WDR1: variants seen among roughly 807,000 people sequenced by gnomAD.
WDR1 encodes the protein WD repeat domain 1.
Under a neutral mutation model 71.9 loss-of-function variants are expected in WDR1, and 21 were observed. That is an observed-to-expected ratio of 0.29 (90% confidence interval 0.21 to 0.42). The LOEUF (loss-of-function observed/expected upper bound fraction) is 0.42. Ranked by LOEUF, WDR1 falls within the 10% of genes least tolerant of loss-of-function variation. The pLI, the probability that WDR1 is intolerant of heterozygous loss-of-function variation, is 1.00. For missense variants in WDR1, 696 were observed against 824.5 expected (o/e 0.84, Z 1.91); for synonymous variants, 424 against 347.4 (o/e 1.22, Z -2.45).
intron 10 of WDR1, among the ~76,000 whole-genome samples, chr4:10,082,266 T>G (rs995252781): frequency 2.6e-5 from 4 of 152,298 alleles, no homozygotes; most frequent in Non-Finnish European, 5.9e-5. Context: ...TGCTAGGAGT[T>G]GCGTGCTGCA....
intron 7 of WDR1, 49 bp from the exon 8 acceptor site, chr4:10,087,989 AG>A: frequency 1.3e-6 from 2 of 1,490,944 alleles, no homozygotes; most frequent in Non-Finnish European, 1.8e-6. Flanking sequence ...TACAGACTGG[AG>A]AGAGACCCCA....
At chr4:10,088,776 C>G in intron 5 of WDR1, 35 bp from the exon 6 acceptor site, 1 of 1,510,758 alleles carries the variant, frequency 6.6e-7, no homozygotes, top group Non-Finnish European at 9.0e-7. Flanking sequence ...GATGAGGGGC[C>G]GCAGGCCTGA....
At position 10,116,099 on chromosome 4, in the gene WDR1, T is replaced by C; in HGVS notation, c.138+14A>G. 1 of 1,609,384 alleles carries C rather than the reference T, an allele frequency of 6.2e-7. No individual in the cohort carries two copies. The highest frequency in any genetic ancestry group is 8.5e-7 in the Non-Finnish European group (1 of 1,177,664). On this transcript the variant is annotated intron_variant, in intron 2 of 14. Transcript: ENST00000499869. ...CTCCGGAGCAGAACCGCGCCCGGGG[T>C]AGGGGGTACTCACGTCGATGTTCCT...
At chr4:10,113,285 C>T (rs973877324) in intron 2 of WDR1, among the ~76,000 whole-genome samples, 11 of 152,154 alleles carry the variant, frequency 7.2e-5, no homozygotes, top group African/African-American at 1.4e-4. Flanking sequence ...TGCCTGAACC[C>T]GGCAGGTGGA....
chr4:10,082,865 T>G (rs776814366), intron 10 of WDR1, among the ~76,000 whole-genome samples, 157 bp downstream of exon 10: 3 of 152,122 alleles, frequency 2.0e-5, no homozygotes, highest in Non-Finnish European at 2.9e-5. Flanking sequence ...AGTGCTGGGC[T>G]CAGGGCCCAA....
rs1331478601 is a variant in WDR1, at chr4:10,077,300, T to C, written c.1714+4A>G. ...CCCTGCCAAGGCCTGGGGGCGGAAG[T>C]CACCTTGGATCTTGACTCTGGTTTC... On this transcript the variant is annotated splice_donor_region_variant and intron_variant, in intron 14 of 14. Transcript: ENST00000499869. 6.2e-7 allele frequency: 1 copy of C among 1,613,706 alleles called. No individual in the cohort carries two copies. Among genetic ancestry groups the C allele is most frequent in the African/African-American group, 1.3e-5 (1 of 74,930 alleles).
intron 5 of WDR1, among the ~76,000 whole-genome samples, 175 bp downstream of exon 5, chr4:10,097,536 G>C (rs576701097): frequency 3.3e-5 from 5 of 152,234 alleles, no homozygotes; most frequent in Admixed American, 2.6e-4. Context: ...TGGGGAGGAC[G>C]AGTGCTGGGT....
chr4:10,077,475 G>T (rs1764841533), intron 13 of WDR1, 27 bp from the exon 14 acceptor site: 1 of 1,613,702 alleles, frequency 6.2e-7, no homozygotes, highest in African/African-American at 1.3e-5. Flanking sequence ...AACAAGAGAG[G>T]TGGCAGGTCA....
At chr4:10,093,252 GC>G in intron 5 of WDR1, 1 of 818,170 alleles carries the variant, frequency 1.2e-6, no homozygotes, top group Non-Finnish European at 1.7e-6. Flanking sequence ...AGGACCACAA[GC>G]CCACCCTTAG....
intron 14 of WDR1, 30 bp from the exon 15 acceptor site, chr4:10,075,514 A>T: frequency 1.9e-6 from 3 of 1,601,576 alleles, no homozygotes; most frequent in Non-Finnish European, 2.6e-6. Context: ...TTTAACGAAA[A>T]GCCAAACTTC....
intron 2 of WDR1, among the ~76,000 whole-genome samples, chr4:10,104,871 C>T (rs1712926098): frequency 6.6e-6 from 1 of 152,208 alleles, no homozygotes; most frequent in Admixed American, 6.5e-5. Context: ...GCTTAGGACA[C>T]ACCAGACTCC....
intron 5 of WDR1, chr4:10,092,694 G>A (rs774421326): frequency 1.3e-4 from 35 of 266,000 alleles, no homozygotes; most frequent in East Asian, 2.9e-4. Context: ...GAGAGAAGCC[G>A]CGAAAAGCCC....
chr4:10,111,646 C>T (rs770616524), intron 2 of WDR1, among the ~76,000 whole-genome samples: 2 of 152,162 alleles, frequency 1.3e-5, no homozygotes, highest in South Asian at 2.1e-4. Flanking sequence ...AGTCAGCAGG[C>T]GTCCAATTCC....
intron 2 of WDR1, among the ~76,000 whole-genome samples, chr4:10,107,368 G>C (rs572638578): frequency 6.6e-6 from 1 of 152,276 alleles, no homozygotes; most frequent in South Asian, 2.1e-4. Flanking sequence ...TTCCTGGGAA[G>C]AGCGATAACT....
intron 10 of WDR1, among the ~76,000 whole-genome samples, chr4:10,082,310 A>G (rs1470699861): frequency 6.6e-6 from 1 of 150,976 alleles, no homozygotes; most frequent in African/African-American, 2.4e-5. Context: ...AGGCCCCAGG[A>G]GTCCCCATCT....
At chr4:10,079,282 TG>T (rs1487570998) in intron 11 of WDR1, among the ~76,000 whole-genome samples, 2 of 152,230 alleles carry the variant, frequency 1.3e-5, no homozygotes, top group Non-Finnish European at 2.9e-5. Context: ...CACCACCTCT[TG>T]GAAAGTCACT....
chr4:10,085,389 C>T (rs769652923), intron 8 of WDR1, among the ~76,000 whole-genome samples: 9 of 152,182 alleles, frequency 5.9e-5, no homozygotes, highest in Non-Finnish European at 8.8e-5. Context: ...GAATGGGCAA[C>T]GAATGCAGCT....
At chr4:10,100,872 A>G (rs1578439502) in intron 3 of WDR1, among the ~76,000 whole-genome samples, 1 of 152,214 alleles carries the variant, frequency 6.6e-6, no homozygotes, top group Non-Finnish European at 1.5e-5. Context: ...GAGCATACAT[A>G]TCCACACATG....
chr4:10,110,784 T>A (rs1204911150), intron 2 of WDR1, among the ~76,000 whole-genome samples: 2 of 152,212 alleles, frequency 1.3e-5, no homozygotes, highest in African/African-American at 2.4e-5. Flanking sequence ...CAGTTCTTTG[T>A]GGAAGGACGG....
Sources: gnomAD v4.1 joint callset for allele counts (sites outside exome capture counted in the v4.1 genomes callset) on GRCh38, gnomAD v4.1.1 for gene constraint, MANE v1.5 for transcripts, NCBI Gene and HGNC (gene_info 2026-07-23, HGNC 2026-07-21) for gene names.